CNTNAP2: variants seen among roughly 807,000 people sequenced by gnomAD.
CNTNAP2 encodes contactin-associated protein-like 2.
A neutral mutation model predicts 155.2 loss-of-function variants in CNTNAP2; 98 were observed. The observed-to-expected ratio is 0.63, with a 90% CI of 0.54 to 0.75. The LOEUF (loss-of-function observed/expected upper bound fraction) is 0.75. CNTNAP2 is among the 30% of genes least tolerant of loss of function. The probability of loss-of-function intolerance (pLI) is 0.00; values close to 1 mark genes in which losing one functional copy is unlikely to be tolerated. For missense variants in CNTNAP2, 1,727 were observed against 1,688.1 expected (o/e 1.02, Z -0.40); for synonymous variants, 651 against 631.2 (o/e 1.03, Z -0.47).
chr7:148,415,525 A>G lies in CNTNAP2; in HGVS notation c.3905A>G (p.Glu1302Gly), dbSNP rs575397897. 23 of 1,614,236 alleles carry G rather than the reference A, an allele frequency of 1.4e-5. No individual in the cohort carries two copies. Among genetic ancestry groups the G allele is most frequent in the Non-Finnish European group, 1.9e-5 (23 of 1,180,032 alleles). Reference sequence around the variant, plus strand: ...CATACCAACGAAGCAAAGGGGGCGGAGTCGGCAGAGAGCGCGGACGCCGCC... The same window carrying G: ...CATACCAACGAAGCAAAGGGGGCGGGGTCGGCAGAGAGCGCGGACGCCGCC... The part of the protein sequence containing the change: ...TYHTNEAKGA[E>G]SAESADAAIM... Residue 1302 changes from glutamate to glycine, a missense_variant, in exon 24 of 24, where the codon GAG becomes GGG. Transcript: ENST00000361727.
At chr7:146,685,316 T>G (rs2642492) in intron 1 of CNTNAP2, among the ~76,000 whole-genome samples, 121,786 of 152,124 alleles carry the variant, frequency 0.8, 49,334 homozygotes, top group South Asian at 0.91. Flanking sequence ...TTCCTATAGA[T>G]AGATGATTTT....
rs141184815 is a variant in CNTNAP2 at position 146,599,621 on chromosome 7, C to G, written c.98-174650C>G. Among the ~76,000 whole-genome samples, 829 of 151,944 alleles carry G rather than the reference C, an allele frequency of 5.5e-3. 3 individuals are homozygous for G. The highest frequency in any genetic ancestry group is 0.018 in the African/African-American group (746 of 41,458). Reference sequence around the variant, plus strand: ...TAATTCTTCTCCTCCTTATATTATGCTTTAATGTATTCCAGCGCTCACAAC... The same window carrying G: ...TAATTCTTCTCCTCCTTATATTATGGTTTAATGTATTCCAGCGCTCACAAC... On this transcript the variant is annotated intron_variant, in intron 1 of 23. Coordinates refer to ENST00000361727, the MANE Select transcript of CNTNAP2 (RefSeq NM_014141.6).
intron 4 of CNTNAP2, among the ~76,000 whole-genome samples, chr7:147,090,128 C>T (rs2129272615): frequency 6.6e-6 from 1 of 152,268 alleles, no homozygotes; most frequent in East Asian, 1.9e-4. Context: ...CCAATTTGTC[C>T]TAAATCCATT....
chr7:146,940,828 T>TATAG (rs1408419239), intron 3 of CNTNAP2, among the ~76,000 whole-genome samples: 2 of 123,582 alleles, frequency 1.6e-5, no homozygotes, highest in Non-Finnish European at 3.7e-5. Flanking sequence ...TGTATATACA[T>TATAG]ATAGAGAGAA....
At chr7:146,213,073 A>G (rs1380084507) in intron 1 of CNTNAP2, among the ~76,000 whole-genome samples, 1 of 152,152 alleles carries the variant, frequency 6.6e-6, no homozygotes, top group African/African-American at 2.4e-5. Flanking sequence ...TTTATCAACG[A>G]CTGGGGAGTA....
At chr7:146,986,132 C>T (rs1449011893) in intron 3 of CNTNAP2, among the ~76,000 whole-genome samples, 1 of 151,966 alleles carries the variant, frequency 6.6e-6, no homozygotes, top group Non-Finnish European at 1.5e-5. Flanking sequence ...CTCAATATGT[C>T]GTCTTTTATC....
At chr7:146,310,792 C>A (rs1411817894) in intron 1 of CNTNAP2, among the ~76,000 whole-genome samples, 7 of 152,082 alleles carry the variant, frequency 4.6e-5, no homozygotes, top group Admixed American at 4.6e-4. Context: ...CTTCCCTTCC[C>A]CCATCCATCC....
intron 1 of CNTNAP2, among the ~76,000 whole-genome samples, chr7:146,550,508 A>T (rs1482629891): frequency 7.1e-6 from 1 of 139,882 alleles, no homozygotes; most frequent in Non-Finnish European, 1.5e-5. Flanking sequence ...CCTGATTTGG[A>T]AATCTTGCTG....
At chr7:147,072,361 A>C (rs534804278) in intron 4 of CNTNAP2, among the ~76,000 whole-genome samples, 3 of 152,286 alleles carry the variant, frequency 2.0e-5, no homozygotes, top group Middle Eastern at 3.4e-3. Flanking sequence ...AAGAGATGCC[A>C]CCAAACTATC....
chr7:147,006,101 C>A (rs1798519171), intron 3 of CNTNAP2, among the ~76,000 whole-genome samples: 1 of 151,950 alleles, frequency 6.6e-6, no homozygotes, highest in Non-Finnish European at 1.5e-5. Flanking sequence ...AACATGCACA[C>A]CATGCACATG....
intron 1 of CNTNAP2, among the ~76,000 whole-genome samples, chr7:146,383,890 C>T (rs1412873915): frequency 6.6e-6 from 1 of 152,056 alleles, no homozygotes; most frequent in East Asian, 1.9e-4. Flanking sequence ...ATGTGTTAGC[C>T]TCAGCAAGGT....
chr7:147,012,755 T>A (rs1174493644), intron 3 of CNTNAP2, among the ~76,000 whole-genome samples: 3 of 152,132 alleles, frequency 2.0e-5, no homozygotes, highest in Admixed American at 2.0e-4. Context: ...TGTAATTAGA[T>A]TGAATGTTTT....
At chr7:146,245,277 G>C (rs1363608814) in intron 1 of CNTNAP2, among the ~76,000 whole-genome samples, 2 of 152,014 alleles carry the variant, frequency 1.3e-5, no homozygotes, top group African/African-American at 2.4e-5. Context: ...ATTGAAGTCC[G>C]GGCCAGGAAC....
rs115541619 is a variant in CNTNAP2 at position 146,118,961 on chromosome 7, A to G, written c.97+1988A>G. 5.5e-3 allele frequency among the ~76,000 whole-genome samples: 833 copies of G among 152,234 alleles called. 10 individuals carry two copies. Among genetic ancestry groups the G allele is most frequent in the African/African-American group, 0.019 (783 of 41,572 alleles). ...CCTATATCCTGGAAATGAATTAAAT[A>G]ATAAGGATGCTACAGAACTTTATTG... On this transcript the variant is annotated intron_variant, in intron 1 of 23. Coordinates refer to ENST00000361727, the MANE Select transcript of CNTNAP2 (RefSeq NM_014141.6).
chr7:147,137,932 G>A (rs1242832686), intron 8 of CNTNAP2, among the ~76,000 whole-genome samples: 1 of 151,344 alleles, frequency 6.6e-6, no homozygotes, highest in African/African-American at 2.4e-5. Flanking sequence ...TAGATAAAAA[G>A]TATTGTCCCT....
chr7:146,853,890 T>C (rs1794927941), intron 3 of CNTNAP2, among the ~76,000 whole-genome samples: 1 of 152,190 alleles, frequency 6.6e-6, no homozygotes. Flanking sequence ...GGTTTACAAT[T>C]TATAAACAAT....
At chr7:147,089,608 T>G (rs761306692) in intron 4 of CNTNAP2, among the ~76,000 whole-genome samples, 3 of 152,230 alleles carry the variant, frequency 2.0e-5, no homozygotes, top group Non-Finnish European at 4.4e-5. Context: ...AATAAGTCTT[T>G]GTTATAAATC....
At chr7:147,025,282 T>C (rs1220167783) in intron 3 of CNTNAP2, among the ~76,000 whole-genome samples, 1 of 95,536 alleles carries the variant, frequency 1.0e-5, no homozygotes, top group African/African-American at 4.4e-5. Flanking sequence ...TCAGACTCTG[T>C]AAGAAAAGAA....
At chr7:147,943,077 G>A (rs1800755365) in intron 14 of CNTNAP2, among the ~76,000 whole-genome samples, 1 of 151,794 alleles carries the variant, frequency 6.6e-6, no homozygotes, top group Non-Finnish European at 1.5e-5. Context: ...AGTTCTCCTG[G>A]AACCCTACCT....
Sources: allele counts gnomAD v4.1 joint callset (sites outside exome capture counted in the v4.1 genomes callset), GRCh38; gene constraint gnomAD v4.1.1; transcripts MANE v1.5; gene names NCBI Gene and HGNC (gene_info 2026-07-23, HGNC 2026-07-21).